The following RPS6KA5 variants were observed in gnomAD, a reference collection of about 807,000 sequenced individuals.
RPS6KA5 encodes the protein ribosomal protein S6 kinase alpha-5.
A neutral mutation model predicts 85.5 loss-of-function variants in RPS6KA5; 27 were observed. The ratio of observed to expected loss-of-function variants is 0.32; its 90% CI spans 0.23 to 0.44. RPS6KA5 has a LOEUF of 0.44. Ranked by LOEUF, RPS6KA5 falls within the 20% of genes least tolerant of loss-of-function variation. The probability of loss-of-function intolerance (pLI) is 1.00; values close to 1 mark genes in which losing one functional copy is unlikely to be tolerated. For missense variants in RPS6KA5, 811 were observed against 980.9 expected (o/e 0.83, Z 2.31); for synonymous variants, 334 against 348.2 (o/e 0.96, Z 0.46).
intron 1 of RPS6KA5, among the ~76,000 whole-genome samples, chr14:91,004,871 G>A (rs904753673): frequency 2.0e-5 from 3 of 152,068 alleles, no homozygotes; most frequent in Admixed American, 1.3e-4. Flanking sequence ...GGGAGGCTGA[G>A]GCAGGAGAAT....
At chr14:90,965,595 G>C (rs116356282) in intron 3 of RPS6KA5, among the ~76,000 whole-genome samples, 9 of 152,112 alleles carry the variant, frequency 5.9e-5, no homozygotes, top group Non-Finnish European at 1.3e-4. Context: ...TGCAGTTCAC[G>C]AGAGAGGGGT....
chr14:91,042,999 C>T (rs1024483997), intron 1 of RPS6KA5, among the ~76,000 whole-genome samples: 4 of 152,146 alleles, frequency 2.6e-5, no homozygotes, highest in Non-Finnish European at 5.9e-5. Context: ...AAGTTATCTT[C>T]ACCTGCATTC....
At chr14:90,988,690 G>C (rs1383258833) in intron 2 of RPS6KA5, among the ~76,000 whole-genome samples, 1 of 152,174 alleles carries the variant, frequency 6.6e-6, no homozygotes, top group South Asian at 2.1e-4. Flanking sequence ...GCGGGCGTCT[G>C]TAATCCTAGC....
At chr14:91,057,589 C>T (rs1348472298) in intron 1 of RPS6KA5, among the ~76,000 whole-genome samples, 6 of 152,028 alleles carry the variant, frequency 3.9e-5, no homozygotes, top group African/African-American at 7.2e-5. Context: ...AAGATTATGG[C>T]GAATTTACAC....
chr14:90,958,785 C>G (rs1175934809), intron 3 of RPS6KA5, among the ~76,000 whole-genome samples: 1 of 151,606 alleles, frequency 6.6e-6, no homozygotes, highest in Non-Finnish European at 1.5e-5. Context: ...AGCTTGCATT[C>G]CATTCAGGAA....
intron 1 of RPS6KA5, among the ~76,000 whole-genome samples, chr14:91,026,952 C>T (rs962363319): frequency 4.6e-5 from 7 of 152,122 alleles, no homozygotes; most frequent in African/African-American, 1.2e-4. Flanking sequence ...ATGTGTTTTC[C>T]GCACTTTTTA....
chr14:91,016,801 T>C (rs1471894056), intron 1 of RPS6KA5, among the ~76,000 whole-genome samples: 1 of 149,102 alleles, frequency 6.7e-6, no homozygotes, highest in East Asian at 2.0e-4. Flanking sequence ...AGAAGGAACA[T>C]GATTGGAAAA....
chr14:90,855,037 T>C lies in RPS6KA5; in HGVS notation c.*17037A>G, dbSNP rs2032201828. The C allele has an allele frequency of 6.6e-6, 1 of 152,208 alleles. No individual in the cohort carries two copies. Among genetic ancestry groups the C allele is most frequent in the Non-Finnish European group, 1.5e-5 (1 of 68,038 alleles). 9.4% of individuals were successfully genotyped at this position (152,208 alleles called of 1,614,324 possible). A position where few individuals can be genotyped will look rare whatever the true frequency, so the allele number is the denominator to read the frequency against. On this transcript the variant is annotated 3_prime_UTR_variant, in exon 17 of 17. Coordinates refer to ENST00000614987, the MANE Select transcript of RPS6KA5 (RefSeq NM_004755.4). ...TTTTTTTCAATACATTTCATCTCTT[T>C]GCTTTGCCAGGAACAAAGTTTCAAG...
chr14:91,022,155 T>G (rs1279057372), intron 1 of RPS6KA5, among the ~76,000 whole-genome samples: 1 of 152,264 alleles, frequency 6.6e-6, no homozygotes, highest in Non-Finnish European at 1.5e-5. Context: ...TCAGTTGACT[T>G]GTAACCATTT....
intron 1 of RPS6KA5, among the ~76,000 whole-genome samples, chr14:91,015,243 T>C (rs144686051): frequency 1.4e-3 from 209 of 152,030 alleles, no homozygotes; most frequent in African/African-American, 4.8e-3. Flanking sequence ...AATCTAGACA[T>C]ATAAAGAACA....
At chr14:90,975,722 T>C (rs2039535166) in intron 3 of RPS6KA5, among the ~76,000 whole-genome samples, 1 of 152,242 alleles carries the variant, frequency 6.6e-6, no homozygotes, top group South Asian at 2.1e-4. Flanking sequence ...TTTGGGAAAC[T>C]GACCTAGTGT....
intron 8 of RPS6KA5, among the ~76,000 whole-genome samples, chr14:90,904,290 C>T (rs951536353): frequency 6.6e-6 from 1 of 152,118 alleles, no homozygotes; most frequent in Admixed American, 6.5e-5. Flanking sequence ...TGAGCCACTG[C>T]GCCTGGCCCA....
intron 3 of RPS6KA5, among the ~76,000 whole-genome samples, chr14:90,972,899 G>A (rs2039387244): frequency 6.6e-6 from 1 of 152,016 alleles, no homozygotes; most frequent in African/African-American, 2.4e-5. Context: ...AGAGGCAAAG[G>A]GTACAAATAG....
At chr14:91,035,063 C>G (rs1228106044) in intron 1 of RPS6KA5, among the ~76,000 whole-genome samples, 1 of 151,970 alleles carries the variant, frequency 6.6e-6, no homozygotes, top group African/African-American at 2.4e-5. Context: ...AACAGAATAT[C>G]TGAGCATGGA....
intron 14 of RPS6KA5, among the ~76,000 whole-genome samples, chr14:90,876,888 A>C (rs1335139969): frequency 2.0e-5 from 3 of 152,212 alleles, no homozygotes; most frequent in Admixed American, 2.0e-4. Flanking sequence ...TTTTCTGGTC[A>C]CGTTTCTGAC....
chr14:91,029,600 A>C (rs2042108606), intron 1 of RPS6KA5, among the ~76,000 whole-genome samples: 1 of 152,152 alleles, frequency 6.6e-6, no homozygotes, highest in Admixed American at 6.5e-5. Context: ...AAGTTACTTA[A>C]CCTCTGTGCC....
At position 90,931,898 on chromosome 14, in the gene RPS6KA5, G is replaced by A. The variant is rs111827698; in HGVS notation, c.619-8702C>T. On this transcript the variant is annotated intron_variant, in intron 5 of 16. Coordinates refer to ENST00000614987, the MANE Select transcript of RPS6KA5 (RefSeq NM_004755.4). ...CAGCTTGGATAAATTTCAAGAATAG[G>A]TCAAATAAAAAACAATTTGCAATAG... 4.6e-3 allele frequency among the ~76,000 whole-genome samples: 706 copies of A among 152,044 alleles called. 4 individuals carry two copies. Among genetic ancestry groups the A allele is most frequent in the Non-Finnish European group, 6.9e-3 (469 of 67,976 alleles).
intron 8 of RPS6KA5, among the ~76,000 whole-genome samples, chr14:90,903,846 A>G (rs1384450442): frequency 3.3e-5 from 5 of 152,220 alleles, no homozygotes; most frequent in Admixed American, 2.0e-4. Flanking sequence ...AGAATATAAG[A>G]TGATGGCCAC....
intron 14 of RPS6KA5, among the ~76,000 whole-genome samples, chr14:90,887,933 G>A (rs972191056): frequency 7.7e-6 from 1 of 129,810 alleles, no homozygotes; most frequent in East Asian, 2.1e-4. Flanking sequence ...GGGCGACAGA[G>A]GGAGGCTATC....
Sources: gnomAD v4.1 joint callset for allele counts (sites outside exome capture counted in the v4.1 genomes callset) on GRCh38, gnomAD v4.1.1 for gene constraint, MANE v1.5 for transcripts, NCBI Gene and HGNC (gene_info 2026-07-23, HGNC 2026-07-21) for gene names.